Variants in MLXIP observed in about 807,000 individuals in gnomAD.
MLXIP encodes the protein MLX-interacting protein.
In MLXIP, 30 loss-of-function variants were observed where a neutral mutation model predicts 87.2. The observed-to-expected ratio is 0.34, with a 90% CI of 0.26 to 0.47. MLXIP has a LOEUF of 0.47. MLXIP is among the 20% of genes least tolerant of loss of function. MLXIP has a pLI of 1.00. For missense variants in MLXIP, 1,002 were observed against 1,240.1 expected (o/e 0.81, Z 2.88); for synonymous variants, 530 against 514.0 (o/e 1.03, Z -0.42).
intron 1 of MLXIP, among the ~76,000 whole-genome samples, chr12:122,100,061 T>G (rs1478846095): frequency 1.3e-5 from 2 of 149,572 alleles, no homozygotes; most frequent in East Asian, 3.9e-4. Context: ...AGTTCAAGTG[T>G]TTTTTTTTTC....
intron 7 of MLXIP, among the ~76,000 whole-genome samples, chr12:122,131,886 C>T (rs1386028550): frequency 6.7e-6 from 1 of 149,842 alleles, no homozygotes; most frequent in Non-Finnish European, 1.5e-5. Context: ...GTGGCACCAA[C>T]CAGGCATGGT....
rs372758562 is a variant in MLXIP at position 122,134,019 on chromosome 12, T to TC, written c.1732+38dup. 8.5e-3 allele frequency: 13,140 copies of TC among 1,548,468 alleles called. 141 individuals are homozygous for TC. Among genetic ancestry groups the TC allele is most frequent in the Middle Eastern group, 0.046 (270 of 5,880 alleles). ...CAGGCGGGGAGACTCAGTGCGGGGCTCCCCCCGACCCAGAGGGATGTTTTC... is the reference window on the plus strand; with the variant it reads ...CAGGCGGGGAGACTCAGTGCGGGGCTCCCCCCCGACCCAGAGGGATGTTTTC... On this transcript the variant is annotated intron_variant, in intron 9 of 16. Coordinates refer to ENST00000319080, the MANE Select transcript of MLXIP (RefSeq NM_014938.6).
At chr12:122,113,750 T>C (rs746417678) in intron 1 of MLXIP, among the ~76,000 whole-genome samples, 2 of 134,252 alleles carry the variant, frequency 1.5e-5, no homozygotes, top group African/African-American at 5.7e-5. Flanking sequence ...AGTGGTACGA[T>C]CTCAGCTCAG....
In MLXIP at chr12:122,138,825, C is replaced by A; in HGVS notation, c.2395C>A (p.Gln799Lys). ...ELNATIISCQ[Q>K]LLPATGVPVT... ...CTCCTGTCATTTCAGCTCCTGCCAG[C>A]AGCTGCTCCCTGCCACGGGAGTCCC... Residue 799 changes from glutamine to lysine, a missense_variant, in exon 15 of 17, where the codon CAG becomes AAG. This residue lies in a region of MLXIP where 746 missense variants were observed against 897.0 expected (regional missense o/e 0.83). Transcript: ENST00000319080. 6.2e-7 allele frequency: 1 copy of A among 1,613,678 alleles called. No homozygotes were observed. Among genetic ancestry groups the A allele is most frequent in the South Asian group, 1.1e-5 (1 of 91,040 alleles).
Position 122,078,893 on chromosome 12 carries a change from C to A in MLXIP, c.40C>A (p.Arg14Ser). Residue 14 changes from arginine (R) to serine (S), a missense_variant, in exon 1 of 17, where the codon CGC becomes AGC. Physicochemically the swap from Arg to Ser is moderately radical, Grantham distance 110. Transcript: ENST00000319080. ...CTTCATGTGCTCCCCGCGCCGGCCT[C>A]GCAGCCGGGGCCGCCAGGTGCTGCT... ...DVFMCSPRRP[R>S]SRGRQVLLKP... 1 of 1,143,104 alleles carries A rather than the reference C, an allele frequency of 8.7e-7. No homozygotes were observed. The highest frequency in any genetic ancestry group is 1.7e-5 in the African/African-American group (1 of 59,830). The allele number at this position is 1,143,104 out of a possible 1,614,324, so 70.8% of individuals were successfully genotyped here.
chr12:122,109,944 T>G (rs1952578285), intron 1 of MLXIP, among the ~76,000 whole-genome samples: 1 of 152,178 alleles, frequency 6.6e-6, no homozygotes, highest in South Asian at 2.1e-4. Flanking sequence ...GCAGTGGGTG[T>G]TACAGGATCC....
At chr12:122,136,841 G>A (rs145024853) in intron 11 of MLXIP, 1,542 of 152,276 alleles carry the variant, frequency 0.01, 15 homozygotes, top group East Asian at 0.031. Flanking sequence ...TCAAATAATC[G>A]AGGGAGAGGT....
In MLXIP at chr12:122,142,085, C is replaced by T. The variant is rs571168366; in HGVS notation, c.*273C>T. On this transcript the variant is annotated 3_prime_UTR_variant, in exon 17 of 17. Transcript: ENST00000319080. ...TCCTCTGCCCTCGGGGCAGCCCACA[C>T]AAAAGGGAAGTGCTGGCCGTGCTGG... is the stretch of plus-strand genomic sequence containing the variant. 8.7e-6 allele frequency: 6 copies of T among 692,842 alleles called. No individual in the cohort carries two copies. Among genetic ancestry groups the T allele is most frequent in the South Asian group, 7.6e-5 (5 of 65,480 alleles). 42.9% of individuals were successfully genotyped at this position (692,842 alleles called of 1,614,324 possible). A position where few individuals can be genotyped will look rare whatever the true frequency, so the allele number is the denominator to read the frequency against.
At chr12:122,126,026 C>T (rs1952876423) in intron 1 of MLXIP, among the ~76,000 whole-genome samples, 1 of 152,210 alleles carries the variant, frequency 6.6e-6, no homozygotes, top group Non-Finnish European at 1.5e-5. Context: ...AGGGGCAGGG[C>T]TGTGGCCTGT....
intron 1 of MLXIP, among the ~76,000 whole-genome samples, chr12:122,120,134 A>G (rs1471900089): frequency 2.0e-5 from 3 of 150,884 alleles, no homozygotes; most frequent in Non-Finnish European, 4.4e-5. Context: ...GAAAGTAATG[A>G]AGTTCTGAGA....
intron 1 of MLXIP, among the ~76,000 whole-genome samples, chr12:122,124,116 A>C (rs1952828758): frequency 6.6e-6 from 1 of 150,820 alleles, no homozygotes; most frequent in African/African-American, 2.4e-5. Context: ...GCTCCCACCC[A>C]AGGCGTGCTG....
In MLXIP at chr12:122,115,979, A is replaced by T. The variant is rs534578476; in HGVS notation, c.414-11277A>T. ...GGCAGGAGAATCACTTGAACCCGGGAGGTGGAGGTTGCAGTGAGCCAAGAT... is the reference window on the plus strand; with the variant it reads ...GGCAGGAGAATCACTTGAACCCGGGTGGTGGAGGTTGCAGTGAGCCAAGAT... On this transcript the variant is annotated intron_variant, in intron 1 of 16. Transcript: ENST00000319080. Among the ~76,000 whole-genome samples, 12 of 151,978 alleles carry T rather than the reference A, an allele frequency of 7.9e-5. No individual in the cohort carries two copies. In the South Asian group the frequency reaches 1.0e-3, roughly 13 times the overall value.
At position 122,106,189 on chromosome 12, in the gene MLXIP, C is replaced by T. The variant is rs531233404; in HGVS notation, c.414-21067C>T. On this transcript the variant is annotated intron_variant, in intron 1 of 16. Transcript: ENST00000319080. ...GGAGGGAAGAGCATGGGCCAGAAGCCAAAGCTGCTCGTTTCTGGAGAAGGC... is the reference window on the plus strand; with the variant it reads ...GGAGGGAAGAGCATGGGCCAGAAGCTAAAGCTGCTCGTTTCTGGAGAAGGC... 3.3e-5 allele frequency among the ~76,000 whole-genome samples: 5 copies of T among 152,300 alleles called. No individual in the cohort carries two copies. The East Asian group carries it at 7.7e-4, about 23-fold the overall frequency.
At position 122,119,507 on chromosome 12, in the gene MLXIP, G is replaced by T. The variant is rs1194237557; in HGVS notation, c.414-7749G>T. Among the ~76,000 whole-genome samples the T allele has an allele frequency of 2.6e-5, 4 of 152,024 alleles. 1 individual carries two copies. The highest frequency in any genetic ancestry group is 4.1e-4 in the South Asian group (2 of 4,820). ...TCCAGGTTCATGCCATTCTCCTGCC[G>T]CAGCCTCCCAAATAGCTGGGACTAC... is the stretch of plus-strand genomic sequence containing the variant. On this transcript the variant is annotated intron_variant, in intron 1 of 16. Transcript: ENST00000319080.
chr12:122,107,274 A>G (rs1003824563), intron 1 of MLXIP, among the ~76,000 whole-genome samples: 2 of 151,888 alleles, frequency 1.3e-5, no homozygotes, highest in African/African-American at 4.8e-5. Flanking sequence ...TGTAAGGGCT[A>G]ATAAAGACAT....
In MLXIP at chr12:122,140,986, G is replaced by C. The variant is rs199986821; in HGVS notation, c.2541G>C (p.Ser847=). 2.5e-6 allele frequency: 4 copies of C among 1,613,998 alleles called. No individual in the cohort carries two copies. Among genetic ancestry groups the C allele is most frequent in the African/African-American group, 1.3e-5 (1 of 75,052 alleles). Residue 847 remains serine, a synonymous_variant, in exon 16 of 17, where the codon TCG becomes TCC. Coordinates refer to ENST00000319080, the MANE Select transcript of MLXIP (RefSeq NM_014938.6). Reference sequence around the variant, plus strand: ...TCATCATCAAGCCGCTGTTTGAGTCGTTCAAGGGCATGGTGTCCACCAGCA... The same window carrying C: ...TCATCATCAAGCCGCTGTTTGAGTCCTTCAAGGGCATGGTGTCCACCAGCA... The part of the protein sequence containing the change: ...FSIIIKPLFE[S]FKGMVSTSSL...
At chr12:122,114,764 G>C (rs935424012) in intron 1 of MLXIP, among the ~76,000 whole-genome samples, 13 of 150,722 alleles carry the variant, frequency 8.6e-5, no homozygotes, top group Non-Finnish European at 1.9e-4. Flanking sequence ...TTGGTGGGGG[G>C]GGACAGGGTC....
At chr12:122,104,964 C>G (rs1952497661) in intron 1 of MLXIP, among the ~76,000 whole-genome samples, 6 of 152,200 alleles carry the variant, frequency 3.9e-5, no homozygotes, top group Admixed American at 3.9e-4. Context: ...GTCTTGAAGT[C>G]CGTCCCACAG....
At position 122,136,459 on chromosome 12, in the gene MLXIP, C is replaced by CAAAAAAAAAAAAAAAAAAAA. The variant is rs1224302321; in HGVS notation, c.2032+797_2032+816dup. On this transcript the variant is annotated intron_variant, in intron 11 of 16. Coordinates refer to ENST00000319080, the MANE Select transcript of MLXIP (RefSeq NM_014938.6). Reference sequence around the variant, plus strand: ...GAAACCTTGTCCCTATCAAAAAATGCAAAAAAAAAAAAAAAAAAAAAAAGC... The same window carrying CAAAAAAAAAAAAAAAAAAAA: ...GAAACCTTGTCCCTATCAAAAAATGCAAAAAAAAAAAAAAAAAAAAAAAAAAAAAAAAAAAAAAAAAAAGC... 11 of 28,168 alleles carry CAAAAAAAAAAAAAAAAAAAA rather than the reference C, an allele frequency of 3.9e-4. 1 individual carries two copies. Among genetic ancestry groups the CAAAAAAAAAAAAAAAAAAAA allele is most frequent in the East Asian group, 9.5e-4 (1 of 1,058 alleles). The allele number at this position is 28,168 out of a possible 1,614,324, so 1.7% of individuals were successfully genotyped here.
Sources: allele counts gnomAD v4.1 joint callset (sites outside exome capture counted in the v4.1 genomes callset), GRCh38; gene constraint gnomAD v4.1.1; regional missense constraint gnomAD v4.1.1; transcripts MANE v1.5; gene names NCBI Gene and HGNC (gene_info 2026-07-23, HGNC 2026-07-21).